FRYL: variants seen among roughly 807,000 people sequenced by gnomAD.
The protein encoded by FRYL is FRY like transcription coactivator.
FRYL carries 150 observed loss-of-function variants against 351.2 expected under a neutral mutation model. The observed-to-expected ratio is 0.43, with a 90% CI of 0.37 to 0.49. The LOEUF is 0.49. Among genes scored for constraint, FRYL ranks in the 20% least tolerant of loss-of-function variants. The probability of loss-of-function intolerance (pLI) is 0.00; values close to 1 mark genes in which losing one functional copy is unlikely to be tolerated. For synonymous variants in FRYL, 1,153 were observed against 1,257.1 expected, an observed-to-expected ratio of 0.92 and a Z score of 1.75; for missense variants, 3,036 against 3,619.3, an observed-to-expected ratio of 0.84 and a Z score of 4.13.
At chr4:48,692,069 T>C (rs1460383731) in intron 2 of FRYL, among the ~76,000 whole-genome samples, 5 of 152,158 alleles carry the variant, frequency 3.3e-5, no homozygotes, top group Admixed American at 3.3e-4. Flanking sequence ...TGGGGAAATG[T>C]TGAATATAGG....
At chr4:48,649,721 C>CT (rs1441008275) in intron 3 of FRYL, among the ~76,000 whole-genome samples, 1 of 152,186 alleles carries the variant, frequency 6.6e-6, no homozygotes, top group Admixed American at 6.5e-5. Context: ...ATGAATGTCA[C>CT]TTCATTGTTG....
chr4:48,741,262 G>A (rs1364799161), intron 1 of FRYL, among the ~76,000 whole-genome samples: 3 of 152,094 alleles, frequency 2.0e-5, no homozygotes, highest in African/African-American at 7.2e-5. Flanking sequence ...ATAGAAAAAT[G>A]ACCAGGCACT....
At chr4:48,503,084 G>A (rs1459727135) in intron 60 of FRYL, among the ~76,000 whole-genome samples, 2 of 151,792 alleles carry the variant, frequency 1.3e-5, no homozygotes, top group Non-Finnish European at 2.9e-5. Context: ...TTTAGGCTAT[G>A]ACTTATTTCT....
At chr4:48,658,584 CAA>C (rs11388062) in intron 3 of FRYL, among the ~76,000 whole-genome samples, 2 of 95,894 alleles carry the variant, frequency 2.1e-5, no homozygotes, top group East Asian at 2.9e-4. Flanking sequence ...CAAAAAAATA[CAA>C]AAAAAAAAAA....
intron 42 of FRYL, 86 bp from the exon 43 acceptor site, chr4:48,544,990 C>T: frequency 2.2e-6 from 3 of 1,356,930 alleles, no homozygotes; most frequent in Non-Finnish European, 3.0e-6. Context: ...TACACCTTTA[C>T]AATTAGAAAG....
intron 28 of FRYL, among the ~76,000 whole-genome samples, chr4:48,566,806 T>C (rs184818959): frequency 1.6e-4 from 24 of 152,346 alleles, no homozygotes; most frequent in Admixed American, 1.3e-3. Flanking sequence ...TCTGTCGATA[T>C]AGACCCTACT....
chr4:48,625,203 T>G (rs1751531251), intron 4 of FRYL, among the ~76,000 whole-genome samples: 1 of 152,180 alleles, frequency 6.6e-6, no homozygotes, highest in African/African-American at 2.4e-5. Flanking sequence ...GTTCCATTTC[T>G]CTGGAGAACC....
chr4:48,695,650 C>A (rs1333676452), intron 2 of FRYL, among the ~76,000 whole-genome samples: 1 of 151,998 alleles, frequency 6.6e-6, no homozygotes, highest in Admixed American at 6.5e-5. Context: ...ATGCCAAAAG[C>A]AATTGCAACA....
intron 1 of FRYL, among the ~76,000 whole-genome samples, chr4:48,728,570 A>G (rs1185344269): frequency 6.6e-6 from 1 of 152,194 alleles, no homozygotes; most frequent in African/African-American, 2.4e-5. Context: ...AAACAAAAAA[A>G]GCAAACAAAA....
chr4:48,681,089 A>C, intron 3 of FRYL: 1 of 1,269,600 alleles, frequency 7.9e-7, no homozygotes, highest in Non-Finnish European at 1.0e-6. Flanking sequence ...ACATCTCCCG[A>C]AAGAATGGGA....
rs373490348 is a variant in FRYL, at chr4:48,535,542, G to A, written c.6564+115C>T. The A allele has an allele frequency of 1.0e-5, 5 of 488,598 alleles. No homozygotes were observed. In the East Asian group the frequency reaches 1.1e-4, roughly 11 times the overall value. 30.3% of individuals were successfully genotyped at this position (488,598 alleles called of 1,614,324 possible). A position where few individuals can be genotyped will look rare whatever the true frequency, so the allele number is the denominator to read the frequency against. On this transcript the variant is annotated intron_variant, in intron 48 of 63. Transcript: ENST00000358350. ...TGCATATAAATCAACTTGATAAGGT[G>A]CCACAGAGTAGTTAAAATATATATA...
chr4:48,710,100 T>C (rs1182157224), intron 2 of FRYL, among the ~76,000 whole-genome samples: 1 of 152,240 alleles, frequency 6.6e-6, no homozygotes. Flanking sequence ...CACATAGTGC[T>C]ATGCTATAAA....
chr4:48,543,866 G>A lies in FRYL; in HGVS notation c.5533C>T (p.Leu1845Phe), dbSNP rs1455892987. Reference sequence around the variant, plus strand: ...ACAAGTCTGGAGAGAACATCAGAAAGTGTAGTTGCAGTGAGAGGCTGCTTT... The same window carrying A: ...ACAAGTCTGGAGAGAACATCAGAAAATGTAGTTGCAGTGAGAGGCTGCTTT... The part of the protein sequence containing the change: ...ALKQPLTATT[L>F]SDVLSRLVET... The change falls in exon 44 of 64, where the codon CTT (leucine) becomes TTT (phenylalanine). Residue 1845 changes from leucine to phenylalanine, a missense_variant. Coordinates refer to ENST00000358350, the MANE Select transcript of FRYL (RefSeq NM_015030.2). The A allele has an allele frequency of 1.2e-6, 2 of 1,613,904 alleles. No individual in the cohort carries two copies. Among genetic ancestry groups the A allele is most frequent in the Non-Finnish European group, 8.5e-7 (1 of 1,179,834 alleles).
chr4:48,535,905 G>A (rs1183156322), intron 47 of FRYL, 78 bp from the exon 48 acceptor site: 16 of 1,083,460 alleles, frequency 1.5e-5, no homozygotes, highest in African/African-American at 4.9e-5. Flanking sequence ...AAATGTATTC[G>A]CTTAATGAAA....
intron 62 of FRYL, 85 bp from the exon 63 acceptor site, chr4:48,500,305 G>A (rs1719262699): frequency 1.3e-6 from 1 of 745,788 alleles, no homozygotes; most frequent in East Asian, 2.9e-5. Context: ...CCTGATGGCA[G>A]TAGCATTGTT....
intron 41 of FRYL, 71 bp downstream of exon 41, chr4:48,547,512 CT>C: frequency 1.2e-6 from 1 of 819,448 alleles, no homozygotes; most frequent in Non-Finnish European, 1.8e-6. Context: ...ATTCAGTTGA[CT>C]TTCTCTAATG....
At chr4:48,613,510 TACC>T (rs1407978871) in intron 7 of FRYL, among the ~76,000 whole-genome samples, 3 of 152,194 alleles carry the variant, frequency 2.0e-5, no homozygotes, top group African/African-American at 7.2e-5. Flanking sequence ...GCCACCCTAC[TACC>T]ACCATCAACA....
At chr4:48,555,773 C>A (rs1435346675) in intron 35 of FRYL, among the ~76,000 whole-genome samples, 2 of 152,188 alleles carry the variant, frequency 1.3e-5, no homozygotes, top group African/African-American at 4.8e-5. Flanking sequence ...AGGCACTATG[C>A]CTGTGGTACA....
At chr4:48,538,111 C>T (rs879218171) in intron 47 of FRYL, among the ~76,000 whole-genome samples, 8 of 152,004 alleles carry the variant, frequency 5.3e-5, no homozygotes, top group Admixed American at 2.6e-4. Flanking sequence ...TGGTTTTAGG[C>T]GAGTAATCAT....
Sources: gnomAD v4.1 joint callset for allele counts (sites outside exome capture counted in the v4.1 genomes callset) on GRCh38, gnomAD v4.1.1 for gene constraint, MANE v1.5 for transcripts, NCBI Gene and HGNC (gene_info 2026-07-23, HGNC 2026-07-21) for gene names.